The following SLC2A13 variants were observed in gnomAD, a reference collection of about 807,000 sequenced individuals.
SLC2A13 encodes the protein proton myo-inositol cotransporter.
SLC2A13 carries 32 observed loss-of-function variants against 64.4 expected under a neutral mutation model. The observed-to-expected ratio is 0.50, with a 90% confidence interval of 0.37 to 0.67. SLC2A13 has a LOEUF of 0.67. Ranked by LOEUF, SLC2A13 falls within the 30% of genes least tolerant of loss-of-function variation. SLC2A13 has a pLI of 0.00. For synonymous variants in SLC2A13, 338 were observed against 327.1 expected (o/e 1.03, Z -0.36); for missense variants, 743 against 829.2 (o/e 0.90, Z 1.28).
At chr12:39,890,251 T>C (rs1944570610) in intron 4 of SLC2A13, among the ~76,000 whole-genome samples, 1 of 152,214 alleles carries the variant, frequency 6.6e-6, no homozygotes, top group Non-Finnish European at 1.5e-5. Context: ...AATAGAGATA[T>C]GACTAAAGAT....
intron 3 of SLC2A13, among the ~76,000 whole-genome samples, chr12:39,992,684 C>T (rs1222922423): frequency 6.6e-6 from 1 of 151,930 alleles, no homozygotes; most frequent in Admixed American, 6.6e-5. Flanking sequence ...TATTTACTAA[C>T]ATATATGTTC....
intron 1 of SLC2A13, among the ~76,000 whole-genome samples, chr12:40,056,255 C>A (rs564499138): frequency 4.5e-4 from 68 of 151,030 alleles, no homozygotes; most frequent in Middle Eastern, 3.4e-3. Flanking sequence ...GAGTATTCAT[C>A]AATTAAATTA....
At chr12:40,055,449 T>C (rs1948319654) in intron 1 of SLC2A13, among the ~76,000 whole-genome samples, 2 of 152,206 alleles carry the variant, frequency 1.3e-5, no homozygotes, top group African/African-American at 2.4e-5. Flanking sequence ...AACATCCCAG[T>C]AGAGCCTGTA....
intron 5 of SLC2A13, among the ~76,000 whole-genome samples, chr12:39,869,694 G>C (rs957188457): frequency 3.3e-5 from 5 of 152,132 alleles, no homozygotes; most frequent in Non-Finnish European, 2.9e-5. Context: ...GATGGCTCTG[G>C]AAATCCTTGG....
At chr12:39,910,263 C>G (rs1945398920) in intron 4 of SLC2A13, among the ~76,000 whole-genome samples, 1 of 152,072 alleles carries the variant, frequency 6.6e-6, no homozygotes. Flanking sequence ...ATAAATATAT[C>G]TGTATCTTTA....
intron 7 of SLC2A13, among the ~76,000 whole-genome samples, chr12:39,769,058 C>T (rs900730543): frequency 3.9e-5 from 6 of 152,214 alleles, no homozygotes; most frequent in African/African-American, 1.2e-4. Flanking sequence ...AACCACTTCT[C>T]AGAAACTGAG....
At chr12:39,949,177 AAAC>A (rs1946188528) in intron 4 of SLC2A13, among the ~76,000 whole-genome samples, 1 of 152,218 alleles carries the variant, frequency 6.6e-6, no homozygotes, top group Non-Finnish European at 1.5e-5. Flanking sequence ...TACTGTGAAT[AAAC>A]AACAGTTACT....
chr12:39,819,019 C>T (rs1942416751), intron 7 of SLC2A13, among the ~76,000 whole-genome samples: 1 of 152,086 alleles, frequency 6.6e-6, no homozygotes, highest in African/African-American at 2.4e-5. Context: ...TTTCCACTGT[C>T]AATCATAGTT....
intron 1 of SLC2A13, among the ~76,000 whole-genome samples, chr12:40,072,744 C>T (rs17458327): frequency 0.024 from 3,576 of 152,080 alleles, 55 homozygotes; most frequent in Non-Finnish European, 0.039. Flanking sequence ...TGCTTTTAAT[C>T]CATGTGTATT....
intron 4 of SLC2A13, among the ~76,000 whole-genome samples, chr12:39,896,168 A>G (rs1393946485): frequency 1.3e-5 from 2 of 149,092 alleles, no homozygotes; most frequent in South Asian, 2.1e-4. Context: ...GTGTATACAT[A>G]TATGAATATG....
At chr12:39,997,472 A>G (rs1222252371) in intron 3 of SLC2A13, among the ~76,000 whole-genome samples, 1 of 152,204 alleles carries the variant, frequency 6.6e-6, no homozygotes, top group Admixed American at 6.5e-5. Context: ...AATGCTCAAC[A>G]TTACTAATGA....
chr12:39,775,924 AG>A (rs1362449175), intron 7 of SLC2A13, among the ~76,000 whole-genome samples: 2 of 152,182 alleles, frequency 1.3e-5, no homozygotes, highest in Admixed American at 1.3e-4. Context: ...TGCTCCAATG[AG>A]CGTTTCCTTT....
Position 39,830,098 on chromosome 12 carries a change from T to C in SLC2A13, c.1445+5A>G, listed in dbSNP as rs1942810862. 5 of 1,613,506 alleles carry C rather than the reference T, an allele frequency of 3.1e-6. No homozygotes were observed. The highest frequency in any genetic ancestry group is 4.2e-6 in the Non-Finnish European group (5 of 1,179,656). On this transcript the variant is annotated splice_donor_5th_base_variant and intron_variant, in intron 7 of 9. Transcript: ENST00000280871. Reference sequence around the variant, plus strand: ...TATATTCGTATGGTAAAATGAGTGATATACCTGCCCCAGGCTGCCTCATTT... The same window carrying C: ...TATATTCGTATGGTAAAATGAGTGACATACCTGCCCCAGGCTGCCTCATTT...
chr12:39,969,262 G>T (rs1946596052), intron 3 of SLC2A13, among the ~76,000 whole-genome samples: 1 of 152,154 alleles, frequency 6.6e-6, no homozygotes, highest in Non-Finnish European at 1.5e-5. Flanking sequence ...ATAAACATAG[G>T]TGTGCATGTG....
rs1020202417 is a variant in SLC2A13 at position 39,759,909 on chromosome 12, G to A, written c.*117C>T. The A allele has an allele frequency of 2.8e-6, 2 of 702,174 alleles. No homozygotes were observed. Among genetic ancestry groups the A allele is most frequent in the Non-Finnish European group, 4.8e-6 (2 of 420,424 alleles). The allele number at this position is 702,174 out of a possible 1,614,324, so 43.5% of individuals were successfully genotyped here. On this transcript the variant is annotated 3_prime_UTR_variant, in exon 10 of 10. Coordinates refer to ENST00000280871, the MANE Select transcript of SLC2A13 (RefSeq NM_052885.4). Reference sequence around the variant, plus strand: ...CTAATCAAGTATTCTAGAATATGAAGTCAATCAAAACTAGGCTGTGGAAAG... The same window carrying A: ...CTAATCAAGTATTCTAGAATATGAAATCAATCAAAACTAGGCTGTGGAAAG...
intron 6 of SLC2A13, among the ~76,000 whole-genome samples, chr12:39,838,702 A>G (rs2135867688): frequency 6.6e-6 from 1 of 152,188 alleles, no homozygotes; most frequent in East Asian, 1.9e-4. Flanking sequence ...AATCGTTTAT[A>G]TGTTTCACGT....
intron 1 of SLC2A13, among the ~76,000 whole-genome samples, chr12:40,061,809 C>CA (rs200751726): frequency 2.3e-3 from 263 of 116,358 alleles, no homozygotes; most frequent in East Asian, 6.9e-3. Flanking sequence ...TTTGACAATC[C>CA]AAAAAAAAAA....
intron 2 of SLC2A13, among the ~76,000 whole-genome samples, chr12:40,029,747 C>T (rs990961865): frequency 7.9e-5 from 12 of 151,998 alleles, no homozygotes; most frequent in African/African-American, 2.9e-4. Context: ...AAAAATTAAC[C>T]AGGATATGGA....
Position 40,105,745 on chromosome 12 carries a change from C to T in SLC2A13, c.64G>A (p.Glu22Lys). 1 of 1,489,020 alleles carries T rather than the reference C, an allele frequency of 6.7e-7. No homozygotes were observed. Among genetic ancestry groups the T allele is most frequent in the Non-Finnish European group, 8.9e-7 (1 of 1,120,098 alleles). The allele number at this position is 1,489,020 out of a possible 1,614,324, so 92.2% of individuals were successfully genotyped here. A position where few individuals can be genotyped will look rare whatever the true frequency, so the allele number is the denominator to read the frequency against. ...GGCTCCGGCTGCTTCCTGCGCCGCT[C>T]GCCCATCAGGCTGCTCAGGCTCCGC... ...TLRSLSSLMG[E>K]RRRKQPEPDA... The change falls in exon 1 of 10, where the codon GAG (glutamate) becomes AAG (lysine). Residue 22 changes from glutamate to lysine, a missense_variant. Physicochemically the swap from Glu to Lys is moderately conservative, Grantham distance 56. Around this residue, in one of 2 missense-constraint regions of SLC2A13, gnomAD observed 448 missense variants for 447.4 expected, o/e 1.00. Transcript: ENST00000280871. This position sits in a 1 kb window ranked among gnomAD's most constrained non-coding sequence, Gnocchi z 4.2.
Sources: gnomAD v4.1 joint callset for allele counts (sites outside exome capture counted in the v4.1 genomes callset) on GRCh38, gnomAD v4.1.1 for gene constraint, gnomAD v4.1.1 regional missense constraint, Gnocchi (gnomAD v3.1) non-coding constraint, MANE v1.5 for transcripts, NCBI Gene and HGNC (gene_info 2026-07-23, HGNC 2026-07-21) for gene names.